The following MECOM variants were observed in gnomAD, a reference collection of about 807,000 sequenced individuals.
MECOM encodes the protein histone-lysine N-methyltransferase MECOM.
Under a neutral mutation model 116.3 loss-of-function variants are expected in MECOM, and 13 were observed. The ratio of observed to expected loss-of-function variants is 0.11; its 90% CI spans 0.07 to 0.18. The LOEUF (loss-of-function observed/expected upper bound fraction) is 0.18. Among genes scored for constraint, MECOM ranks in the 10% least tolerant of loss-of-function variants. The pLI is 1.00. For synonymous variants in MECOM, 528 were observed against 535.2 expected (o/e 0.99, Z 0.19); for missense variants, 1,299 against 1,509.0 (o/e 0.86, Z 2.31).
At chr3:169,196,053 T>A (rs1314136239) in intron 2 of MECOM, among the ~76,000 whole-genome samples, 1 of 152,046 alleles carries the variant, frequency 6.6e-6, no homozygotes, top group African/African-American at 2.4e-5. Flanking sequence ...GGAAGAGAGC[T>A]TTTTATGTTT....
chr3:169,526,729 A>AAAATG (rs1369120946), intron 1 of MECOM, among the ~76,000 whole-genome samples: 1 of 152,104 alleles, frequency 6.6e-6, no homozygotes, highest in Non-Finnish European at 1.5e-5. Flanking sequence ...ACTTGTATGA[A>AAAATG]TATGTGAGTG....
At position 169,197,157 on chromosome 3, in the gene MECOM, G is replaced by A. The variant is rs549099875; in HGVS notation, c.376-53325C>T. On this transcript the variant is annotated intron_variant, in intron 2 of 16. Transcript: ENST00000651503. ...AGAAGCGAACTATAGACACCAGGAC[G>A]CACTTTAGGGTGGAGAGTGGAGGAG... 7.2e-5 allele frequency among the ~76,000 whole-genome samples: 11 copies of A among 151,822 alleles called. No homozygotes were observed. The East Asian group carries it at 7.8e-4, about 11-fold the overall frequency.
intron 1 of MECOM, among the ~76,000 whole-genome samples, chr3:169,589,776 A>G (rs1017614300): frequency 3.3e-5 from 5 of 152,178 alleles, no homozygotes; most frequent in African/African-American, 4.8e-5. Flanking sequence ...CTCACATAGA[A>G]AAATCTATCT....
chr3:169,528,385 C>T (rs1758197631), intron 1 of MECOM, among the ~76,000 whole-genome samples: 1 of 152,130 alleles, frequency 6.6e-6, no homozygotes, highest in African/African-American at 2.4e-5. Flanking sequence ...GAAGAATGTG[C>T]CCCATTGTTG....
chr3:169,101,415 T>C (rs1222820857), intron 11 of MECOM, among the ~76,000 whole-genome samples: 1 of 152,146 alleles, frequency 6.6e-6, no homozygotes, highest in Non-Finnish European at 1.5e-5. Flanking sequence ...TCAGACAAAA[T>C]CCTGAGACTT....
intron 2 of MECOM, among the ~76,000 whole-genome samples, chr3:169,182,169 G>A (rs949253504): frequency 1.3e-5 from 2 of 152,148 alleles, no homozygotes; most frequent in South Asian, 4.1e-4. Flanking sequence ...AAGGCGTTTG[G>A]CAGGGTGTAA....
intron 2 of MECOM, among the ~76,000 whole-genome samples, chr3:169,349,420 G>A (rs1024516054): frequency 5.9e-5 from 9 of 151,784 alleles, no homozygotes; most frequent in Non-Finnish European, 1.3e-4. Flanking sequence ...CTAGTGGGGG[G>A]CCCTCCTATG....
At chr3:169,361,911 C>T (rs1728367616) in intron 2 of MECOM, among the ~76,000 whole-genome samples, 1 of 151,796 alleles carries the variant, frequency 6.6e-6, no homozygotes, top group Non-Finnish European at 1.5e-5. Flanking sequence ...AGAATTATCT[C>T]TCTAAACAAT....
intron 2 of MECOM, among the ~76,000 whole-genome samples, chr3:169,340,692 A>T (rs955636603): frequency 6.6e-6 from 1 of 152,352 alleles, no homozygotes; most frequent in East Asian, 1.9e-4. Flanking sequence ...AAAATGTTTT[A>T]AAAATACATT....
intron 1 of MECOM, among the ~76,000 whole-genome samples, chr3:169,508,410 CAA>C (rs60226399): frequency 2.1e-5 from 3 of 141,248 alleles, no homozygotes. Context: ...GGTGGGAGTG[CAA>C]AAAAAAAAAG....
intron 2 of MECOM, among the ~76,000 whole-genome samples, chr3:169,225,789 T>C (rs1451434453): frequency 2.6e-5 from 4 of 152,172 alleles, no homozygotes; most frequent in South Asian, 2.1e-4. Flanking sequence ...TTTGTATTTT[T>C]AGTAAATAGG....
intron 1 of MECOM, among the ~76,000 whole-genome samples, chr3:169,417,578 T>C (rs1738885366): frequency 6.6e-6 from 1 of 151,784 alleles, no homozygotes; most frequent in Non-Finnish European, 1.5e-5. Flanking sequence ...GAACTAGAAA[T>C]ACTATTTGAC....
At chr3:169,276,478 G>A (rs554360679) in intron 2 of MECOM, among the ~76,000 whole-genome samples, 38 of 150,852 alleles carry the variant, frequency 2.5e-4, no homozygotes, top group South Asian at 8.5e-4. Flanking sequence ...GCTTGAAACC[G>A]GGAGGCAGAG....
chr3:169,353,969 T>C (rs865907243), intron 2 of MECOM, among the ~76,000 whole-genome samples: 4 of 151,876 alleles, frequency 2.6e-5, no homozygotes, highest in Non-Finnish European at 1.5e-5. Flanking sequence ...AATCAAAGAA[T>C]ATTTATTCAG....
At chr3:169,487,302 T>A (rs929286576) in intron 1 of MECOM, among the ~76,000 whole-genome samples, 1 of 151,984 alleles carries the variant, frequency 6.6e-6, no homozygotes, top group African/African-American at 2.4e-5. Context: ...ATTAATTGCA[T>A]TAATAACATG....
At chr3:169,602,911 T>C (rs905322450) in intron 1 of MECOM, among the ~76,000 whole-genome samples, 1 of 152,150 alleles carries the variant, frequency 6.6e-6, no homozygotes, top group Non-Finnish European at 1.5e-5. Context: ...CATAGAAATG[T>C]TTATTATATG....
chr3:169,663,323 A>G lies in MECOM; in HGVS notation c.37+13T>C. On this transcript the variant is annotated intron_variant, in intron 1 of 16. Coordinates refer to ENST00000651503, the MANE Select transcript of MECOM (RefSeq NM_004991.4). ...AGGGGGAAAAGCCAATAGAAAAGGG[A>G]TATTGCACCTACTTGTGGCCAGTTT... 6.2e-7 allele frequency: 1 copy of G among 1,606,842 alleles called. No individual in the cohort carries two copies. The highest frequency in any genetic ancestry group is 1.3e-5 in the African/African-American group (1 of 74,858).
At chr3:169,646,830 C>T (rs146458857) in intron 1 of MECOM, among the ~76,000 whole-genome samples, 41 of 152,246 alleles carry the variant, frequency 2.7e-4, no homozygotes, top group African/African-American at 9.2e-4. Flanking sequence ...GAAGTAATGA[C>T]GTATCCCTAA....
At chr3:169,480,280 C>T (rs1021317038) in intron 1 of MECOM, among the ~76,000 whole-genome samples, 7 of 152,176 alleles carry the variant, frequency 4.6e-5, no homozygotes, top group African/African-American at 7.2e-5. Context: ...CACCTCAAAG[C>T]ATTGGGCTCT....
Sources: allele counts gnomAD v4.1 joint callset (sites outside exome capture counted in the v4.1 genomes callset), GRCh38; gene constraint gnomAD v4.1.1; transcripts MANE v1.5; gene names NCBI Gene and HGNC (gene_info 2026-07-23, HGNC 2026-07-21).